The following SNTG1 variants were observed in gnomAD, a reference collection of about 807,000 sequenced individuals.
SNTG1 encodes the protein gamma-1-syntrophin.
SNTG1 carries 39 observed loss-of-function variants against 74.7 expected under a neutral mutation model. The observed-to-expected ratio is 0.52, with a 90% confidence interval of 0.40 to 0.68. The LOEUF is 0.68. Ranked by LOEUF, SNTG1 falls within the 30% of genes least tolerant of loss-of-function variation. The pLI is 0.00. For missense variants in SNTG1, 685 were observed against 609.5 expected, an observed-to-expected ratio of 1.12 and a Z score of -1.30; for synonymous variants, 254 against 217.1, an observed-to-expected ratio of 1.17 and a Z score of -1.49.
At chr8:50,764,875 C>A (rs1418048874) in intron 18 of SNTG1, among the ~76,000 whole-genome samples, 1 of 151,876 alleles carries the variant, frequency 6.6e-6, no homozygotes, top group Non-Finnish European at 1.5e-5. Flanking sequence ...ACAGAATCAA[C>A]CTAAATGTCC....
At chr8:49,961,780 C>T (rs1392768358) in intron 1 of SNTG1, among the ~76,000 whole-genome samples, 5 of 152,120 alleles carry the variant, frequency 3.3e-5, no homozygotes, top group African/African-American at 9.7e-5. Context: ...ACATTTACCT[C>T]GTAAATTTGG....
rs1292480374 is a variant in SNTG1, at chr8:49,953,224, GC to G, written c.-103+40994del. The stretch of plus-strand genomic sequence containing the variant: ...AGCAGAATAGACTGTGACAGACAGG[GC>G]TCTAACAGGAAACAATGAAGTCAAA... On this transcript the variant is annotated intron_variant, in intron 1 of 18. Coordinates refer to ENST00000642720, the MANE Select transcript of SNTG1 (RefSeq NM_018967.5). Among the ~76,000 whole-genome samples, 7 of 152,304 alleles carry G rather than the reference GC, an allele frequency of 4.6e-5. No individual in the cohort carries two copies. In the South Asian group the frequency reaches 1.5e-3, roughly 32 times the overall value.
At chr8:49,994,507 C>T (rs1814013520) in intron 1 of SNTG1, among the ~76,000 whole-genome samples, 1 of 151,528 alleles carries the variant, frequency 6.6e-6, no homozygotes. Context: ...TCAGGTGATC[C>T]ACCTGCCTTG....
intron 1 of SNTG1, among the ~76,000 whole-genome samples, chr8:50,145,438 C>CA (rs975429993): frequency 3.3e-5 from 5 of 151,524 alleles, no homozygotes; most frequent in African/African-American, 1.2e-4. Context: ...ATTTATTATT[C>CA]AAAAAAAATT....
intron 13 of SNTG1, among the ~76,000 whole-genome samples, chr8:50,624,941 C>T (rs1016739038): frequency 1.3e-5 from 2 of 152,178 alleles, no homozygotes; most frequent in African/African-American, 2.4e-5. Flanking sequence ...ACCTTCTCTT[C>T]TGTGGTCCAA....
chr8:50,003,538 T>C (rs1302335449), intron 1 of SNTG1, among the ~76,000 whole-genome samples: 2 of 152,176 alleles, frequency 1.3e-5, no homozygotes, highest in Admixed American at 1.3e-4. Context: ...AGGCAATGCA[T>C]TTTAAATGTT....
chr8:50,675,660 T>G (rs2131367151), intron 15 of SNTG1, among the ~76,000 whole-genome samples: 1 of 152,220 alleles, frequency 6.6e-6, no homozygotes, highest in South Asian at 2.1e-4. Context: ...CAGTTACATT[T>G]AAGGTTGGTA....
At chr8:50,182,392 A>G (rs1586613318) in intron 2 of SNTG1, among the ~76,000 whole-genome samples, 1 of 152,222 alleles carries the variant, frequency 6.6e-6, no homozygotes, top group East Asian at 1.9e-4. Context: ...TTTTTATGAC[A>G]TGACATTAAA....
chr8:50,502,954 G>A (rs1470555117), intron 9 of SNTG1, 74 bp downstream of exon 9: 10 of 1,236,848 alleles, frequency 8.1e-6, no homozygotes, highest in Non-Finnish European at 1.1e-5. Flanking sequence ...GACAATAATT[G>A]GTGATTTCTT....
At chr8:50,017,042 A>G (rs1343531017) in intron 1 of SNTG1, among the ~76,000 whole-genome samples, 1 of 152,108 alleles carries the variant, frequency 6.6e-6, no homozygotes, top group Non-Finnish European at 1.5e-5. Flanking sequence ...TCCAGAAAAC[A>G]AAAACTGAGA....
At chr8:50,058,877 A>G (rs1240928873) in intron 1 of SNTG1, among the ~76,000 whole-genome samples, 2 of 152,024 alleles carry the variant, frequency 1.3e-5, no homozygotes, top group African/African-American at 2.4e-5. Flanking sequence ...TGCTTTAATA[A>G]CAATAACCTC....
At chr8:50,326,370 G>C (rs1462071882) in intron 2 of SNTG1, among the ~76,000 whole-genome samples, 1 of 152,008 alleles carries the variant, frequency 6.6e-6, no homozygotes, top group Non-Finnish European at 1.5e-5. Context: ...TTCTTTTATA[G>C]ATATAGGACT....
chr8:50,456,570 C>T (rs1024596615), intron 8 of SNTG1, among the ~76,000 whole-genome samples: 3 of 152,230 alleles, frequency 2.0e-5, no homozygotes, highest in Admixed American at 2.0e-4. Flanking sequence ...CCAAGTAGCT[C>T]TCTGAAGATC....
chr8:50,409,841 GTT>G (rs1046212438), intron 4 of SNTG1, among the ~76,000 whole-genome samples: 8 of 152,210 alleles, frequency 5.3e-5, no homozygotes, highest in Admixed American at 5.2e-4. Context: ...AGAGACACCA[GTT>G]TCAAAGGTGT....
At chr8:50,618,408 C>T (rs1307593257) in intron 13 of SNTG1, among the ~76,000 whole-genome samples, 1 of 152,124 alleles carries the variant, frequency 6.6e-6, no homozygotes, top group Non-Finnish European at 1.5e-5. Flanking sequence ...TATAATTCTA[C>T]CATATACTAC....
At chr8:50,588,587 A>G (rs1335918696) in intron 12 of SNTG1, among the ~76,000 whole-genome samples, 1 of 152,186 alleles carries the variant, frequency 6.6e-6, no homozygotes, top group Non-Finnish European at 1.5e-5. Flanking sequence ...TACACAATTT[A>G]TTTTCTTGCC....
chr8:49,938,643 C>CTTTCTTTCTTTCTTTCTTTG lies in SNTG1; in HGVS notation c.-103+26412_-103+26413insTTTCTTTCTTTCTTTCTTTG, dbSNP rs1563371305. ...TCTTTCTTTCTTTCTTTCTTTCTTTCCTTCCTCTCTCTCTCTCTTCCTTCC... is the reference window on the plus strand; with the variant it reads ...TCTTTCTTTCTTTCTTTCTTTCTTTCTTTCTTTCTTTCTTTCTTTGCTTCCTCTCTCTCTCTCTTCCTTCC... On this transcript the variant is annotated intron_variant, in intron 1 of 18. Transcript: ENST00000642720. Among the ~76,000 whole-genome samples, 320 of 106,280 alleles carry CTTTCTTTCTTTCTTTCTTTG rather than the reference C, an allele frequency of 3.0e-3. 7 individuals carry two copies. The highest frequency in any genetic ancestry group is 0.011 in the African/African-American group (301 of 28,270). 69.7% of individuals were successfully genotyped at this position (106,280 alleles called of 152,430 possible).
At chr8:50,141,975 A>G (rs2081674424) in intron 1 of SNTG1, among the ~76,000 whole-genome samples, 1 of 152,148 alleles carries the variant, frequency 6.6e-6, no homozygotes, top group Non-Finnish European at 1.5e-5. Flanking sequence ...ACACATAGAT[A>G]CAAATTATTT....
chr8:50,655,059 T>G (rs1307837291), intron 13 of SNTG1, among the ~76,000 whole-genome samples: 1 of 152,196 alleles, frequency 6.6e-6, no homozygotes, highest in Non-Finnish European at 1.5e-5. Context: ...TTAACCTCTC[T>G]CAATTTTCAT....
Sources: gnomAD v4.1 joint callset for allele counts (sites outside exome capture counted in the v4.1 genomes callset) on GRCh38, gnomAD v4.1.1 for gene constraint, MANE v1.5 for transcripts, NCBI Gene and HGNC (gene_info 2026-07-23, HGNC 2026-07-21) for gene names.